The following PDE4D variants were observed in gnomAD, a reference collection of about 807,000 sequenced individuals.
PDE4D encodes the protein phosphodiesterase 4D.
A neutral mutation model predicts 87.4 loss-of-function variants in PDE4D; 24 were observed. The ratio of observed to expected loss-of-function variants is 0.27; its 90% confidence interval spans 0.20 to 0.39. The LOEUF (loss-of-function observed/expected upper bound fraction) is 0.39. PDE4D is among the 10% of genes least tolerant of loss of function. The probability of loss-of-function intolerance (pLI) is 1.00; values close to 1 mark genes in which losing one functional copy is unlikely to be tolerated. For missense variants in PDE4D, 714 were observed against 1,041.0 expected, an observed-to-expected ratio of 0.69 and a Z score of 4.32; for synonymous variants, 384 against 383.2, an observed-to-expected ratio of 1.00 and a Z score of -0.02.
chr5:59,370,852 T>C (rs1170805225), intron 1 of PDE4D, among the ~76,000 whole-genome samples: 1 of 152,190 alleles, frequency 6.6e-6, no homozygotes, highest in African/African-American at 2.4e-5. Flanking sequence ...AACGTTATGA[T>C]TGATATTGGC....
intron 5 of PDE4D, among the ~76,000 whole-genome samples, chr5:59,043,916 T>C (rs1052095019): frequency 7.9e-5 from 12 of 152,234 alleles, no homozygotes; most frequent in Non-Finnish European, 1.6e-4. Flanking sequence ...TAGTATTCCA[T>C]GGTGTATATG....
At chr5:59,961,380 G>A (rs186510695) in intron 3 of PDE4D, among the ~76,000 whole-genome samples, 20 of 151,758 alleles carry the variant, frequency 1.3e-4, no homozygotes, top group Admixed American at 4.6e-4. Context: ...AGTGCCAAGG[G>A]TTGGAAGCAG....
intron 1 of PDE4D, among the ~76,000 whole-genome samples, chr5:59,285,834 A>G (rs1766838614): frequency 1.3e-5 from 2 of 152,114 alleles, no homozygotes; most frequent in South Asian, 2.1e-4. Flanking sequence ...AAATCTGCCA[A>G]TCAGTCACCA....
At chr5:59,494,531 G>A (rs906066837) in intron 1 of PDE4D, among the ~76,000 whole-genome samples, 1 of 152,156 alleles carries the variant, frequency 6.6e-6, no homozygotes, top group South Asian at 2.1e-4. Flanking sequence ...TCTCACAAAA[G>A]TGAGACATCA....
chr5:59,643,282 C>A (rs1230999997), intron 1 of PDE4D, among the ~76,000 whole-genome samples: 1 of 151,986 alleles, frequency 6.6e-6, no homozygotes, highest in Admixed American at 6.6e-5. Flanking sequence ...TCAGGGAGGT[C>A]AAGGTAACTA....
chr5:60,487,268 C>T (rs916944968), intron 1 of PDE4D, among the ~76,000 whole-genome samples: 1 of 152,178 alleles, frequency 6.6e-6, no homozygotes. Context: ...ATACTTTCTT[C>T]TGTTATGGTT....
At position 59,520,936 on chromosome 5, in the gene PDE4D, GTA is replaced by G. The variant is rs543549059; in HGVS notation, c.456-304970_456-304969del. Among the ~76,000 whole-genome samples, 6 of 151,566 alleles carry G rather than the reference GTA, an allele frequency of 4.0e-5. 1 individual carries two copies. The highest frequency in any genetic ancestry group is 3.9e-4 in the Admixed American group (6 of 15,224). On this transcript the variant is annotated intron_variant, in intron 1 of 14. Coordinates refer to ENST00000340635, the MANE Select transcript of PDE4D (RefSeq NM_001104631.2). ...GTTGTGTGTGTGTGTCTGTATGTGT[GTA>G]TATATATATAATGTATATGAAATTC... is the stretch of plus-strand genomic sequence containing the variant.
At chr5:59,058,676 T>G (rs753176585) in intron 5 of PDE4D, among the ~76,000 whole-genome samples, 3 of 152,050 alleles carry the variant, frequency 2.0e-5, no homozygotes, top group Non-Finnish European at 2.9e-5. Flanking sequence ...ACCGGGGGCT[T>G]TCCACTATGG....
intron 2 of PDE4D, among the ~76,000 whole-genome samples, chr5:60,046,307 T>C (rs1769241752): frequency 6.6e-6 from 1 of 152,230 alleles, no homozygotes; most frequent in South Asian, 2.1e-4. Flanking sequence ...TCATGTCGTC[T>C]GCAAACAGGG....
At chr5:60,348,205 C>T (rs16877912) in intron 1 of PDE4D, among the ~76,000 whole-genome samples, 10,456 of 152,108 alleles carry the variant, frequency 0.069, 398 homozygotes, top group Non-Finnish European at 0.083. Flanking sequence ...TTCCCTTCAG[C>T]CAGCAAATTC....
chr5:59,204,578 A>G (rs1270888805), intron 2 of PDE4D, among the ~76,000 whole-genome samples: 2 of 152,232 alleles, frequency 1.3e-5, no homozygotes, highest in Admixed American at 1.3e-4. Flanking sequence ...CAATAGAGAG[A>G]CTTTTCTAGG....
chr5:59,902,635 A>T (rs762505692), intron 3 of PDE4D, among the ~76,000 whole-genome samples: 2 of 152,140 alleles, frequency 1.3e-5, no homozygotes, highest in Non-Finnish European at 2.9e-5. Flanking sequence ...ATATGTTATA[A>T]TGCTGAATAT....
chr5:59,122,128 C>A (rs1200140152), intron 5 of PDE4D, among the ~76,000 whole-genome samples: 12 of 95,834 alleles, frequency 1.3e-4, no homozygotes, highest in African/African-American at 2.6e-4. Flanking sequence ...GATGACAGAG[C>A]AAGACTCTAT....
At chr5:59,434,971 G>T in intron 1 of PDE4D, among the ~76,000 whole-genome samples, 1 of 152,072 alleles carries the variant, frequency 6.6e-6, no homozygotes, top group Admixed American at 6.6e-5. Context: ...TCATTTTTCA[G>T]ATGAGAAAAA....
At chr5:59,383,229 T>G (rs1004890347) in intron 1 of PDE4D, among the ~76,000 whole-genome samples, 1 of 152,116 alleles carries the variant, frequency 6.6e-6, no homozygotes, top group Admixed American at 6.6e-5. Context: ...ATCCCATATA[T>G]TCACATGATG....
chr5:60,485,955 T>C (rs1449507012), intron 1 of PDE4D, among the ~76,000 whole-genome samples: 2 of 152,218 alleles, frequency 1.3e-5, no homozygotes, highest in Non-Finnish European at 2.9e-5. Context: ...CTGAATTATA[T>C]AGGCAGCTGA....
At chr5:60,113,907 A>T (rs1324871285) in intron 2 of PDE4D, among the ~76,000 whole-genome samples, 1 of 152,160 alleles carries the variant, frequency 6.6e-6, no homozygotes, top group Non-Finnish European at 1.5e-5. Flanking sequence ...CAGCACCAGT[A>T]GTACCTCCAC....
intron 1 of PDE4D, among the ~76,000 whole-genome samples, chr5:59,725,960 T>C (rs1174855172): frequency 6.6e-6 from 1 of 152,114 alleles, no homozygotes; most frequent in Non-Finnish European, 1.5e-5. Context: ...AATTTCCCCA[T>C]GAAATGGTTA....
chr5:60,056,540 G>A (rs1404878948), intron 2 of PDE4D, among the ~76,000 whole-genome samples: 1 of 151,882 alleles, frequency 6.6e-6, no homozygotes, highest in East Asian at 1.9e-4. Context: ...GGGAGGGAGG[G>A]GCTGTCAATG....
Sources: gnomAD v4.1 joint callset for allele counts (sites outside exome capture counted in the v4.1 genomes callset) on GRCh38, gnomAD v4.1.1 for gene constraint, MANE v1.5 for transcripts, NCBI Gene and HGNC (gene_info 2026-07-23, HGNC 2026-07-21) for gene names.